The following FGF12 variants were observed in gnomAD, a reference collection of about 807,000 sequenced individuals.
The protein encoded by FGF12 is fibroblast growth factor 12B.
In FGF12, 14 loss-of-function variants were observed where a neutral mutation model predicts 23.6. The observed-to-expected ratio is 0.59, with a 90% confidence interval of 0.39 to 0.93. The LOEUF (loss-of-function observed/expected upper bound fraction) is 0.93. FGF12 is among the 40% of genes least tolerant of loss of function. The pLI is 0.00. For missense variants in FGF12, 175 were observed against 217.8 expected (o/e 0.80, Z 1.24); for synonymous variants, 62 against 77.3 (o/e 0.80, Z 1.04).
intron 2 of FGF12, among the ~76,000 whole-genome samples, chr3:192,628,177 T>C (rs1444079512): frequency 6.6e-6 from 1 of 152,124 alleles, no homozygotes; most frequent in African/African-American, 2.4e-5. Context: ...TAGATATCAA[T>C]AGTTTGTTTC....
chr3:192,394,641 G>A (rs1173421935), intron 2 of FGF12, among the ~76,000 whole-genome samples: 2 of 151,996 alleles, frequency 1.3e-5, no homozygotes, highest in Admixed American at 1.3e-4. Context: ...ACTTCCCCAA[G>A]GTCACCAGGA....
chr3:192,627,896 T>C (rs1442744937), intron 2 of FGF12, among the ~76,000 whole-genome samples: 1 of 150,096 alleles, frequency 6.7e-6, no homozygotes, highest in Non-Finnish European at 1.5e-5. Flanking sequence ...ATATACAATT[T>C]TATCATATGT....
At chr3:192,726,969 A>G in intron 2 of FGF12, 1 of 615,572 alleles carries the variant, frequency 1.6e-6, no homozygotes, top group Non-Finnish European at 2.9e-6. Flanking sequence ...TACGCAACTG[A>G]TGGAGTATTA....
At chr3:192,322,200 T>TA (rs1474071167) in intron 4 of FGF12, among the ~76,000 whole-genome samples, 2 of 151,748 alleles carry the variant, frequency 1.3e-5, no homozygotes, top group African/African-American at 2.4e-5. Flanking sequence ...AAAAGAAATT[T>TA]AAAAAAATCA....
At chr3:192,218,933 C>T (rs1465000520) in intron 4 of FGF12, among the ~76,000 whole-genome samples, 1 of 152,206 alleles carries the variant, frequency 6.6e-6, no homozygotes, top group South Asian at 2.1e-4. Flanking sequence ...CCTGACCCTG[C>T]CTTTCGGCTG....
chr3:192,344,247 T>C (rs1288892710), intron 3 of FGF12, among the ~76,000 whole-genome samples: 1 of 152,198 alleles, frequency 6.6e-6, no homozygotes, highest in Non-Finnish European at 1.5e-5. Context: ...TGTCAGTGTT[T>C]TTGTTCTCAT....
At chr3:192,614,734 GAGAC>G (rs1010702977) in intron 2 of FGF12, among the ~76,000 whole-genome samples, 3 of 151,902 alleles carry the variant, frequency 2.0e-5, no homozygotes, top group African/African-American at 7.2e-5. Context: ...GAAGAACAGA[GAGAC>G]AGAGTTTCAG....
At chr3:192,582,821 C>T (rs1158625116) in intron 2 of FGF12, among the ~76,000 whole-genome samples, 1 of 152,106 alleles carries the variant, frequency 6.6e-6, no homozygotes, top group Non-Finnish European at 1.5e-5. Flanking sequence ...TCATTTGACC[C>T]TACCACACCT....
At chr3:192,476,375 A>C (rs900887198) in intron 2 of FGF12, among the ~76,000 whole-genome samples, 1 of 152,194 alleles carries the variant, frequency 6.6e-6, no homozygotes, top group Non-Finnish European at 1.5e-5. Context: ...TCTAAATGTG[A>C]ATCCCAATTG....
intron 2 of FGF12, among the ~76,000 whole-genome samples, chr3:192,596,115 A>AATATAATATG (rs1174614971): frequency 6.1e-5 from 9 of 146,792 alleles, no homozygotes; most frequent in Non-Finnish European, 1.2e-4. Flanking sequence ...AATATAATAT[A>AATATAATATG]ATATAATATA....
intron 2 of FGF12, among the ~76,000 whole-genome samples, chr3:192,600,170 G>A (rs1336885077): frequency 1.3e-5 from 2 of 151,926 alleles, no homozygotes; most frequent in African/African-American, 2.4e-5. Context: ...ACTGTTCCTG[G>A]CGCCTTTGTC....
chr3:192,224,912 TA>T (rs1718656247), intron 4 of FGF12, among the ~76,000 whole-genome samples: 1 of 152,126 alleles, frequency 6.6e-6, no homozygotes, highest in African/African-American at 2.4e-5. Flanking sequence ...TCAGCTGAAC[TA>T]CTTGTTAAAA....
At chr3:192,181,358 C>G (rs1046086791) in intron 4 of FGF12, among the ~76,000 whole-genome samples, 1 of 141,794 alleles carries the variant, frequency 7.1e-6, no homozygotes, top group African/African-American at 3.0e-5. Context: ...TACACGCACA[C>G]ACACAGACAC....
intron 2 of FGF12, among the ~76,000 whole-genome samples, chr3:192,672,473 C>T (rs1717160356): frequency 6.6e-6 from 1 of 150,802 alleles, no homozygotes; most frequent in Non-Finnish European, 1.5e-5. Flanking sequence ...AATTCCTGCA[C>T]ACGTATTGCC....
At chr3:192,369,914 G>A (rs947484623) in intron 2 of FGF12, among the ~76,000 whole-genome samples, 6 of 152,196 alleles carry the variant, frequency 3.9e-5, no homozygotes, top group Admixed American at 2.6e-4. Context: ...GGGATGGCAG[G>A]TTCTGGGACA....
At chr3:192,422,037 A>AT (rs11432834) in intron 2 of FGF12, among the ~76,000 whole-genome samples, 129,670 of 150,364 alleles carry the variant, frequency 0.86, 56,258 homozygotes, top group African/African-American at 0.95. Flanking sequence ...GCTTTAGTTT[A>AT]TTTTTTTTTG....
At chr3:192,471,224 G>A (rs935854357) in intron 2 of FGF12, among the ~76,000 whole-genome samples, 2 of 152,266 alleles carry the variant, frequency 1.3e-5, no homozygotes, top group South Asian at 4.1e-4. Context: ...TTATTCAGAT[G>A]CAGTTTTCAG....
chr3:192,718,143 A>T (rs926611332), intron 2 of FGF12, among the ~76,000 whole-genome samples: 3 of 137,724 alleles, frequency 2.2e-5, no homozygotes, highest in Non-Finnish European at 3.1e-5. Context: ...ACTGTTTGTC[A>T]TTATTCTGTT....
At chr3:192,574,478 T>C (rs1712788973) in intron 2 of FGF12, among the ~76,000 whole-genome samples, 1 of 152,214 alleles carries the variant, frequency 6.6e-6, no homozygotes, top group African/African-American at 2.4e-5. Flanking sequence ...AATAAACCTC[T>C]GAATCTCTAA....
Sources: gnomAD v4.1 joint callset for allele counts (sites outside exome capture counted in the v4.1 genomes callset) on GRCh38, gnomAD v4.1.1 for gene constraint, MANE v1.5 for transcripts, NCBI Gene and HGNC (gene_info 2026-07-23, HGNC 2026-07-21) for gene names.